Variants in DYNLT5 observed in about 807,000 individuals in gnomAD.
The protein encoded by DYNLT5 is dynein light chain Tctex-type 5.
Under a neutral mutation model 19.3 loss-of-function variants are expected in DYNLT5, and 25 were observed. The observed-to-expected ratio is 1.30, with a 90% CI of 0.95 to 1.81. The LOEUF is 1.81. DYNLT5 is among the 40% of genes most tolerant of loss of function. The pLI, the probability that DYNLT5 is intolerant of heterozygous loss-of-function variation, is 0.00. For synonymous variants in DYNLT5, 82 were observed against 68.9 expected (o/e 1.19, Z -0.94); for missense variants, 232 against 217.9 (o/e 1.06, Z -0.41).
rs1006085563 is a variant in DYNLT5 at position 66,752,563 on chromosome 1, G to C, written c.-25G>C. 2 of 985,404 alleles carry C rather than the reference G, an allele frequency of 2.0e-6. No individual in the cohort carries two copies. The highest frequency in any genetic ancestry group is 2.4e-6 in the Non-Finnish European group (2 of 829,998). The allele number at this position is 985,404 out of a possible 1,614,324, so 61.0% of individuals were successfully genotyped here. A position where few individuals can be genotyped will look rare whatever the true frequency, so the allele number is the denominator to read the frequency against. On this transcript the variant is annotated 5_prime_UTR_variant, in exon 1 of 5. Transcript: ENST00000282670. ...CAGTGCCGGAGGTCTGGGAGGCTCCGGGCGAAGCCTCCCTGCTGCAGGTAG... is the reference window on the plus strand; with the variant it reads ...CAGTGCCGGAGGTCTGGGAGGCTCCCGGCGAAGCCTCCCTGCTGCAGGTAG...
intron 2 of DYNLT5, among the ~76,000 whole-genome samples, chr1:66,763,423 T>TTTGAAGCC (rs1198200283): frequency 6.6e-6 from 1 of 152,234 alleles, no homozygotes; most frequent in African/African-American, 2.4e-5. Flanking sequence ...CCTTTGAAGC[T>TTTGAAGCC]TTGAAGCCAG....
intron 3 of DYNLT5, chr1:66,774,971 T>C (rs1017621786): frequency 6.6e-6 from 1 of 152,230 alleles, no homozygotes; most frequent in Non-Finnish European, 1.5e-5. Flanking sequence ...GAGAATTGAA[T>C]AGAATTCTTG....
intron 2 of DYNLT5, among the ~76,000 whole-genome samples, chr1:66,762,532 T>C (rs979882087): frequency 2.0e-5 from 3 of 152,326 alleles, no homozygotes; most frequent in African/African-American, 4.8e-5. Flanking sequence ...AATCAACTTC[T>C]TCAAAACTCC....
At chr1:66,757,903 T>A (rs1411280164) in intron 2 of DYNLT5, among the ~76,000 whole-genome samples, 1 of 152,224 alleles carries the variant, frequency 6.6e-6, no homozygotes, top group Non-Finnish European at 1.5e-5. Context: ...GCGTTGTCTC[T>A]GGCCACTTTC....
chr1:66,777,166 A>T, intron 4 of DYNLT5, 85 bp from the exon 5 acceptor site: 1 of 1,160,662 alleles, frequency 8.6e-7, no homozygotes, highest in Non-Finnish European at 1.2e-6. Context: ...CTATTAAATT[A>T]AATCCCTTAT....
chr1:66,766,267 A>G (rs559463941), intron 2 of DYNLT5, among the ~76,000 whole-genome samples: 135 of 152,354 alleles, frequency 8.9e-4, no homozygotes, highest in African/African-American at 3.1e-3. Context: ...TCACGTGTCT[A>G]GAAGGGTTGT....
At chr1:66,753,946 G>A (rs1431161305) in intron 1 of DYNLT5, among the ~76,000 whole-genome samples, 1 of 146,528 alleles carries the variant, frequency 6.8e-6, no homozygotes, top group African/African-American at 2.5e-5. Flanking sequence ...GCTAGATCCT[G>A]TCTCTAAAAT....
chr1:66,776,456 G>A, intron 4 of DYNLT5, 53 bp downstream of exon 4: 1 of 1,545,784 alleles, frequency 6.5e-7, no homozygotes, highest in East Asian at 2.3e-5. Flanking sequence ...ATTTGCTAAA[G>A]TACAACGGAC....
At chr1:66,755,933 C>A (rs143694303) in intron 2 of DYNLT5, among the ~76,000 whole-genome samples, 2 of 152,284 alleles carry the variant, frequency 1.3e-5, no homozygotes, top group Non-Finnish European at 2.9e-5. Context: ...AATAGTCTGA[C>A]ATAAATTACG....
At chr1:66,756,646 C>T (rs1348098027) in intron 2 of DYNLT5, among the ~76,000 whole-genome samples, 1 of 152,206 alleles carries the variant, frequency 6.6e-6, no homozygotes, top group Non-Finnish European at 1.5e-5. Context: ...AGGTAGGCAT[C>T]ATTTCTACCA....
chr1:66,760,605 T>A (rs185699331), intron 2 of DYNLT5, among the ~76,000 whole-genome samples: 21 of 152,306 alleles, frequency 1.4e-4, no homozygotes, highest in Admixed American at 1.0e-3. Context: ...CATCTATTTT[T>A]AAAAAACCCA....
chr1:66,771,255 C>A (rs770859212), intron 3 of DYNLT5, among the ~76,000 whole-genome samples: 1 of 152,252 alleles, frequency 6.6e-6, no homozygotes, highest in Non-Finnish European at 1.5e-5. Flanking sequence ...GATTACACGG[C>A]TCCATAATTA....
intron 2 of DYNLT5, among the ~76,000 whole-genome samples, chr1:66,759,349 T>G (rs1162725134): frequency 6.6e-6 from 1 of 152,166 alleles, no homozygotes; most frequent in East Asian, 1.9e-4. Flanking sequence ...ATCTTTATGT[T>G]CTAGGAGTAA....
chr1:66,757,962 G>A (rs554748010), intron 2 of DYNLT5, among the ~76,000 whole-genome samples: 87 of 152,266 alleles, frequency 5.7e-4, no homozygotes, highest in African/African-American at 2.0e-3. Flanking sequence ...CGTAGGGCCT[G>A]CAAATCCAAA....
chr1:66,752,512 G>A lies in DYNLT5; in HGVS notation c.-76G>A. 1.0e-6 allele frequency: 1 copy of A among 985,600 alleles called. No homozygotes were observed. Among genetic ancestry groups the A allele is most frequent in the Non-Finnish European group, 1.2e-6 (1 of 830,054 alleles). 61.1% of individuals were successfully genotyped at this position (985,600 alleles called of 1,614,324 possible). On this transcript the variant is annotated 5_prime_UTR_variant, in exon 1 of 5. Transcript: ENST00000282670. Reference sequence around the variant, plus strand: ...GCCGGCTGAATGAAGCCTGGGACGCGGGAGCCGCGCCGCGCGCAGTGTCTG... The same window carrying A: ...GCCGGCTGAATGAAGCCTGGGACGCAGGAGCCGCGCCGCGCGCAGTGTCTG...
At chr1:66,758,178 G>T (rs1309946611) in intron 2 of DYNLT5, among the ~76,000 whole-genome samples, 1 of 152,178 alleles carries the variant, frequency 6.6e-6, no homozygotes, top group African/African-American at 2.4e-5. Flanking sequence ...CAATCCATGT[G>T]TGATTTGCAT....
At chr1:66,777,123 A>G (rs1645240913) in intron 4 of DYNLT5, 128 bp from the exon 5 acceptor site, 8 of 809,052 alleles carry the variant, frequency 9.9e-6, no homozygotes, top group Admixed American at 2.9e-5. Context: ...ACGGTTCTAA[A>G]ACAATCACTG....
intron 2 of DYNLT5, among the ~76,000 whole-genome samples, chr1:66,758,877 G>C (rs2094640941): frequency 6.6e-6 from 1 of 152,102 alleles, no homozygotes; most frequent in Non-Finnish European, 1.5e-5. Flanking sequence ...AAATGGTGCT[G>C]CCAGAACAAT....
chr1:66,764,906 T>G (rs1164234213), intron 2 of DYNLT5, among the ~76,000 whole-genome samples: 1 of 152,194 alleles, frequency 6.6e-6, no homozygotes, highest in Admixed American at 6.5e-5. Context: ...TATGCTTTGC[T>G]CTTGAGCATA....
Sources: allele counts gnomAD v4.1 joint callset (sites outside exome capture counted in the v4.1 genomes callset), GRCh38; gene constraint gnomAD v4.1.1; transcripts MANE v1.5; gene names NCBI Gene and HGNC (gene_info 2026-07-23, HGNC 2026-07-21).